CPAMD8: variants seen among roughly 807,000 people sequenced by gnomAD.
CPAMD8 encodes C3 and PZP like alpha-2-macroglobulin domain containing 8, also known as C3 and PZP-like alpha-2-macroglobulin domain-containing protein 8.
Under a neutral mutation model 224.7 loss-of-function variants are expected in CPAMD8, and 146 were observed. The observed-to-expected ratio is 0.65, with a 90% CI of 0.57 to 0.75. CPAMD8 has a LOEUF of 0.75. Ranked by LOEUF, CPAMD8 falls within the 30% of genes least tolerant of loss-of-function variation. The pLI is 0.00. For missense variants in CPAMD8, 2,301 were observed against 2,537.5 expected, an observed-to-expected ratio of 0.91 and a Z score of 2.00; for synonymous variants, 966 against 1,044.6, an observed-to-expected ratio of 0.92 and a Z score of 1.45.
intron 41 of CPAMD8, chr19:16,894,912 C>A: frequency 5.5e-6 from 1 of 182,854 alleles, no homozygotes; most frequent in Non-Finnish European, 1.0e-5. Flanking sequence ...ACAGAGACCC[C>A]ATCTCTACAA....
Position 16,997,354 on chromosome 19 carries a change from A to G in CPAMD8, c.868-16T>C. On this transcript the variant is annotated splice_polypyrimidine_tract_variant and intron_variant, in intron 10 of 41. Coordinates refer to ENST00000443236, the MANE Select transcript of CPAMD8 (RefSeq NM_015692.5). The stretch of plus-strand genomic sequence containing the variant: ...AGCCGAGGATCTGGAGGGAGGAAAA[A>G]CACAGCCCGTGCTCACTCAGGGTTG... The G allele has an allele frequency of 6.9e-7, 1 of 1,451,428 alleles. No individual in the cohort carries two copies. Among genetic ancestry groups the G allele is most frequent in the East Asian group, 2.4e-5 (1 of 42,538 alleles). 89.9% of individuals were successfully genotyped at this position (1,451,428 alleles called of 1,614,324 possible).
In CPAMD8 at chr19:16,896,647, G is replaced by C; in HGVS notation, c.5084C>G (p.Ser1695Trp). 1 of 1,470,188 alleles carries C rather than the reference G, an allele frequency of 6.8e-7. No homozygotes were observed. 91.1% of individuals were successfully genotyped at this position (1,470,188 alleles called of 1,614,324 possible). A position where few individuals can be genotyped will look rare whatever the true frequency, so the allele number is the denominator to read the frequency against. The change falls in exon 40 of 42, where the codon TCG (serine) becomes TGG (tryptophan). Residue 1695 changes from serine (S) to tryptophan (W), a missense_variant. Ser to Trp is a radical substitution (Grantham distance 177). Transcript: ENST00000443236. ...ARGPGWFPGE[S>W]GPAVAPEEGA... is the part of the protein sequence containing the mutation. ...CTCCTCAGGGGCCACGGCAGGGCCCGACTCGCCGGGGAACCAGCCTGGGGG... is the reference window on the plus strand; with the variant it reads ...CTCCTCAGGGGCCACGGCAGGGCCCCACTCGCCGGGGAACCAGCCTGGGGG...
At chr19:16,915,209 G>A (rs952328340) in intron 27 of CPAMD8, among the ~76,000 whole-genome samples, 1 of 151,764 alleles carries the variant, frequency 6.6e-6, no homozygotes, top group Non-Finnish European at 1.5e-5. Flanking sequence ...TCATTCAGGG[G>A]CCAGCAGCCA....
In CPAMD8 at chr19:16,978,086, A is replaced by G. The variant is rs1039864278; in HGVS notation, c.1586-546T>C. ...GCACTCCCAAATACTCTACGGCAAG[A>G]GAATGAGGGTAGAAAGGCTCCCAGT... On this transcript the variant is annotated intron_variant, in intron 14 of 41. Transcript: ENST00000443236. Among the ~76,000 whole-genome samples the G allele has an allele frequency of 9.2e-5, 14 of 152,288 alleles. No individual in the cohort carries two copies. The East Asian group carries it at 1.5e-3, about 17-fold the overall frequency.
Position 16,993,564 on chromosome 19 carries a change from C to T in CPAMD8, c.1118G>A (p.Gly373Asp). The change falls in exon 12 of 42, where the codon GGC (glycine) becomes GAC (aspartate). Residue 373 changes from glycine (G) to aspartate (D), a missense_variant. Physicochemically the swap from Gly to Asp is moderately conservative, Grantham distance 94. Around this residue, in one of 4 missense-constraint regions of CPAMD8, gnomAD observed 301 missense variants for 406.6 expected, o/e 0.74. Transcript: ENST00000443236. ...GACCGTCACCCCCTCAGCTGGGCTG[C>T]CATCGGGGTAGGATAGCTCCACCTA... ...VGKVELSYPD[G>D]SPAEGVTVQI... 6.2e-7 allele frequency: 1 copy of T among 1,614,166 alleles called. No individual in the cohort carries two copies. Among genetic ancestry groups the T allele is most frequent in the Non-Finnish European group, 8.5e-7 (1 of 1,180,018 alleles).
intron 25 of CPAMD8, among the ~76,000 whole-genome samples, chr19:16,927,696 G>A (rs1043877529): frequency 8.5e-5 from 13 of 152,184 alleles, no homozygotes; most frequent in Non-Finnish European, 1.8e-4. Flanking sequence ...AGGGTTCACT[G>A]CAGGTTCTTA....
intron 2 of CPAMD8, among the ~76,000 whole-genome samples, chr19:17,021,057 C>T (rs2056941303): frequency 6.6e-6 from 1 of 152,166 alleles, no homozygotes; most frequent in African/African-American, 2.4e-5. Flanking sequence ...ATAGGCCTTC[C>T]CCTCTGGTCA....
chr19:16,898,144 C>CTT lies in CPAMD8; in HGVS notation c.4849-152_4849-151dup, dbSNP rs35096930. On this transcript the variant is annotated intron_variant, in intron 37 of 41. Transcript: ENST00000443236. The surrounding 1 kb of genome is among the most constrained non-coding windows in gnomAD (Gnocchi z 4.2). The stretch of plus-strand genomic sequence containing the variant: ...CATTTTCTTTTTTTCTTTTACTTTT[C>CTT]TTTTTTTTTTTTTTTCCTGAGACAG... 17,222 of 518,112 alleles carry CTT rather than the reference C, an allele frequency of 0.033. 2 individuals are homozygous for CTT. Among genetic ancestry groups the CTT allele is most frequent in the Non-Finnish European group, 0.039 (11,584 of 297,448 alleles). 32.1% of individuals were successfully genotyped at this position (518,112 alleles called of 1,614,324 possible).
At chr19:16,976,358 C>T (rs960723997) in intron 15 of CPAMD8, among the ~76,000 whole-genome samples, 1 of 151,988 alleles carries the variant, frequency 6.6e-6, no homozygotes, top group African/African-American at 2.4e-5. Context: ...TGCCTGTAAT[C>T]CCAGCTACTT....
chr19:16,975,131 C>G lies in CPAMD8; in HGVS notation c.2036G>C (p.Trp679Ser). ...AAACCCAGAGTCCTTGGTGATGCCC[C>G]AAGGCCACGGGAAGACAGAGGAGCG... is the stretch of plus-strand genomic sequence containing the variant. Reference protein sequence around the residue: ...RRRSSVFPWPWGITKDSGFAF... With the variant: ...RRRSSVFPWPSGITKDSGFAF... Residue 679 changes from tryptophan to serine, a missense_variant, in exon 17 of 42, where the codon TGG becomes TCG. Trp to Ser is a radical substitution (Grantham distance 177). Around this residue, in one of 4 missense-constraint regions of CPAMD8, gnomAD observed 1,709 missense variants for 1,753.2 expected, o/e 0.97. Coordinates refer to ENST00000443236, the MANE Select transcript of CPAMD8 (RefSeq NM_015692.5). 6.2e-7 allele frequency: 1 copy of G among 1,612,822 alleles called. No homozygotes were observed. Among genetic ancestry groups the G allele is most frequent in the Non-Finnish European group, 8.5e-7 (1 of 1,179,708 alleles).
Position 16,929,251 on chromosome 19 carries a change from G to A in CPAMD8, c.2846-11C>T, listed in dbSNP as rs539671619. On this transcript the variant is annotated splice_polypyrimidine_tract_variant and intron_variant, in intron 23 of 41. Coordinates refer to ENST00000443236, the MANE Select transcript of CPAMD8 (RefSeq NM_015692.5). ...AGATGTGGACTCTCTCTGGATGGAGGAAAGGAGATGGGGAGTTGAGAGGGC... is the reference window on the plus strand; with the variant it reads ...AGATGTGGACTCTCTCTGGATGGAGAAAAGGAGATGGGGAGTTGAGAGGGC... 1.7e-5 allele frequency: 27 copies of A among 1,586,808 alleles called. No individual in the cohort carries two copies. In the South Asian group the frequency reaches 2.5e-4, roughly 15 times the overall value.
chr19:17,010,112 C>A (rs1271359237), intron 5 of CPAMD8, among the ~76,000 whole-genome samples: 1 of 152,086 alleles, frequency 6.6e-6, no homozygotes, highest in East Asian at 1.9e-4. Context: ...AAATGACCCA[C>A]GATCAGATCC....
intron 13 of CPAMD8, among the ~76,000 whole-genome samples, chr19:16,982,170 G>A (rs1210191297): frequency 2.0e-5 from 3 of 152,048 alleles, no homozygotes; most frequent in African/African-American, 7.2e-5. Context: ...GAGGCGAGAG[G>A]ATTGCTTGAG....
chr19:16,954,420 T>C (rs1224119600), intron 19 of CPAMD8, among the ~76,000 whole-genome samples: 3 of 151,836 alleles, frequency 2.0e-5, no homozygotes, highest in Non-Finnish European at 4.4e-5. Context: ...ACACTGTTAG[T>C]AGAAATGTAA....
At chr19:17,009,731 G>A (rs955414809) in intron 5 of CPAMD8, among the ~76,000 whole-genome samples, 3 of 151,152 alleles carry the variant, frequency 2.0e-5, no homozygotes, top group Non-Finnish European at 2.9e-5. Flanking sequence ...CGGAGATTGC[G>A]CCACTGCACT....
chr19:16,967,892 T>TATATGCGCATATATACACACAC (rs71946803), intron 18 of CPAMD8, among the ~76,000 whole-genome samples: 30 of 49,514 alleles, frequency 6.1e-4, no homozygotes, highest in Non-Finnish European at 8.3e-4. Flanking sequence ...TACACACACA[T>TATATGCGCATATATACACACAC]GTGTGTGTAT....
At position 16,976,868 on chromosome 19, in the gene CPAMD8, C is replaced by A. The variant is rs566877988; in HGVS notation, c.1758+500G>T. ...ACCAGCCTGGCCAACATGGTGAAACCCCATCTCTACTAAAAATACAAAAAT... is the reference window on the plus strand; with the variant it reads ...ACCAGCCTGGCCAACATGGTGAAACACCATCTCTACTAAAAATACAAAAAT... On this transcript the variant is annotated intron_variant, in intron 15 of 41. Transcript: ENST00000443236. Among the ~76,000 whole-genome samples the A allele has an allele frequency of 2.0e-5, 3 of 151,936 alleles. No homozygotes were observed. The South Asian group carries it at 6.3e-4, about 32-fold the overall frequency.
intron 29 of CPAMD8, among the ~76,000 whole-genome samples, chr19:16,913,260 T>A (rs1176347021): frequency 3.3e-5 from 5 of 152,142 alleles, no homozygotes; most frequent in Non-Finnish European, 7.4e-5. Context: ...ATACGTGTGA[T>A]CTTCCTCAGA....
chr19:16,941,496 C>T (rs561068640), intron 22 of CPAMD8, among the ~76,000 whole-genome samples: 24 of 152,180 alleles, frequency 1.6e-4, no homozygotes, highest in African/African-American at 4.3e-4. Context: ...GAGACAGAAC[C>T]AGATCCATTC....
Sources: allele counts gnomAD v4.1 joint callset (sites outside exome capture counted in the v4.1 genomes callset), GRCh38; gene constraint gnomAD v4.1.1; regional missense constraint gnomAD v4.1.1; non-coding constraint Gnocchi (gnomAD v3.1); transcripts MANE v1.5; gene names NCBI Gene and HGNC (gene_info 2026-07-23, HGNC 2026-07-21).